Variants in AGBL1 observed in about 807,000 individuals in gnomAD.
AGBL1 encodes AGBL carboxypeptidase 1, also known as cytosolic carboxypeptidase 4.
In AGBL1, 130 loss-of-function variants were observed where a neutral mutation model predicts 118.9. The observed-to-expected ratio is 1.09, with a 90% CI of 0.95 to 1.26. The LOEUF (loss-of-function observed/expected upper bound fraction) is 1.26. Ranked by LOEUF, AGBL1 falls within the 50% of genes most tolerant of loss-of-function variation. AGBL1 has a pLI of 0.00. For synonymous variants in AGBL1, 555 were observed against 478.9 expected (o/e 1.16, Z -2.08); for missense variants, 1,584 against 1,298.1 (o/e 1.22, Z -3.38).
intron 22 of AGBL1, among the ~76,000 whole-genome samples, chr15:86,834,407 T>C (rs994904007): frequency 6.6e-6 from 1 of 152,300 alleles, no homozygotes; most frequent in African/African-American, 2.4e-5. Context: ...GAATTTAACC[T>C]GTTTCATAAA....
chr15:86,393,844 T>C (rs1314206902), intron 17 of AGBL1, among the ~76,000 whole-genome samples: 1 of 152,046 alleles, frequency 6.6e-6, no homozygotes, highest in Non-Finnish European at 1.5e-5. Context: ...TGGAAGTTGA[T>C]TAGGTCATGA....
At chr15:86,387,263 C>G (rs980471279) in intron 17 of AGBL1, among the ~76,000 whole-genome samples, 1 of 152,124 alleles carries the variant, frequency 6.6e-6, no homozygotes, top group Admixed American at 6.5e-5. Context: ...GGAAAGGACA[C>G]AGTGTGTTTT....
At chr15:86,275,940 A>C (rs1316867140) in intron 15 of AGBL1, among the ~76,000 whole-genome samples, 1 of 152,242 alleles carries the variant, frequency 6.6e-6, no homozygotes, top group Non-Finnish European at 1.5e-5. Flanking sequence ...AAATGGGATA[A>C]TAATGGTATC....
At chr15:86,301,121 G>T (rs1028281458) in intron 17 of AGBL1, among the ~76,000 whole-genome samples, 2 of 152,172 alleles carry the variant, frequency 1.3e-5, no homozygotes, top group Admixed American at 6.5e-5. Context: ...GACAACAGTG[G>T]TTGGTCCCAG....
At chr15:86,765,865 T>A (rs796140572) in intron 22 of AGBL1, among the ~76,000 whole-genome samples, 154 of 152,012 alleles carry the variant, frequency 1.0e-3, no homozygotes, top group African/African-American at 3.6e-3. Flanking sequence ...TATGGTGGTT[T>A]CAGTAGACTG....
intron 22 of AGBL1, among the ~76,000 whole-genome samples, chr15:86,840,508 T>C (rs942671290): frequency 2.6e-5 from 4 of 152,152 alleles, no homozygotes; most frequent in African/African-American, 2.4e-5. Context: ...TGCAATGGCA[T>C]GATCTCGACT....
intron 18 of AGBL1, among the ~76,000 whole-genome samples, chr15:86,435,529 C>T (rs1246026788): frequency 6.6e-6 from 1 of 152,144 alleles, no homozygotes; most frequent in African/African-American, 2.4e-5. Context: ...GAATAATCTC[C>T]ATGTGAATCA....
intron 22 of AGBL1, among the ~76,000 whole-genome samples, chr15:86,793,564 G>GT (rs2078527348): frequency 6.6e-6 from 1 of 152,106 alleles, no homozygotes; most frequent in African/African-American, 2.4e-5. Flanking sequence ...TTCACAATTT[G>GT]TTTTTAAAAT....
chr15:86,791,479 C>G (rs748696600), intron 22 of AGBL1, among the ~76,000 whole-genome samples: 11 of 152,090 alleles, frequency 7.2e-5, no homozygotes, highest in Non-Finnish European at 1.5e-4. Flanking sequence ...GGCAGGAAAG[C>G]TGGCCACAAT....
chr15:86,522,055 C>T (rs2142199472), intron 18 of AGBL1, among the ~76,000 whole-genome samples: 1 of 152,262 alleles, frequency 6.6e-6, no homozygotes, highest in Non-Finnish European at 1.5e-5. Context: ...ATCTCAGTTT[C>T]CTCACTGTGA....
At chr15:86,808,663 C>A (rs963839786) in intron 22 of AGBL1, among the ~76,000 whole-genome samples, 8 of 138,842 alleles carry the variant, frequency 5.8e-5, no homozygotes, top group African/African-American at 2.2e-4. Context: ...CCTTTCTTTC[C>A]TCCTTCCTTT....
At chr15:86,730,495 T>A (rs1221297237) in intron 22 of AGBL1, among the ~76,000 whole-genome samples, 1 of 152,222 alleles carries the variant, frequency 6.6e-6, no homozygotes, top group Non-Finnish European at 1.5e-5. Flanking sequence ...ACATTTTATT[T>A]TAGGTCCGTG....
intron 21 of AGBL1, among the ~76,000 whole-genome samples, chr15:86,606,126 C>CAAAAAAAAAAAAAAAAAAAAA (rs10675845): frequency 2.1e-5 from 2 of 96,870 alleles, no homozygotes; most frequent in African/African-American, 4.3e-5. Flanking sequence ...GACTCCATCT[C>CAAAAAAAAAAAAAAAAAAAAA]AAAAAAAAAA....
intron 18 of AGBL1, among the ~76,000 whole-genome samples, chr15:86,479,896 T>C (rs1779235394): frequency 6.6e-6 from 1 of 152,220 alleles, no homozygotes; most frequent in Non-Finnish European, 1.5e-5. Context: ...CATGGAATAC[T>C]ATGCAGCCAT....
At chr15:86,834,576 T>C (rs1318118310) in intron 22 of AGBL1, among the ~76,000 whole-genome samples, 1 of 152,176 alleles carries the variant, frequency 6.6e-6, no homozygotes, top group African/African-American at 2.4e-5. Flanking sequence ...AGGGCATGTG[T>C]GGATCTGAGT....
At chr15:86,683,659 T>C (rs945542596) in intron 22 of AGBL1, among the ~76,000 whole-genome samples, 1 of 152,122 alleles carries the variant, frequency 6.6e-6, no homozygotes, top group African/African-American at 2.4e-5. Flanking sequence ...TATAAATACC[T>C]GAAAATAGAA....
intron 8 of AGBL1, among the ~76,000 whole-genome samples, chr15:86,257,406 T>C (rs897669739): frequency 6.6e-5 from 10 of 152,336 alleles, no homozygotes; most frequent in Admixed American, 6.5e-4. Flanking sequence ...TATTTACAAC[T>C]GCAGGCTAGT....
At chr15:86,453,235 A>G (rs2050609394) in intron 18 of AGBL1, among the ~76,000 whole-genome samples, 1 of 152,212 alleles carries the variant, frequency 6.6e-6, no homozygotes, top group Non-Finnish European at 1.5e-5. Flanking sequence ...GTTGTAAGGG[A>G]ACACAAAGCA....
At chr15:86,203,234 G>T (rs181388440) in intron 5 of AGBL1, among the ~76,000 whole-genome samples, 1 of 152,168 alleles carries the variant, frequency 6.6e-6, no homozygotes, top group Non-Finnish European at 1.5e-5. Context: ...GTACAGATTC[G>T]TTTTTGAAAA....
Sources: gnomAD v4.1 joint callset for allele counts (sites outside exome capture counted in the v4.1 genomes callset) on GRCh38, gnomAD v4.1.1 for gene constraint, MANE v1.5 for transcripts, NCBI Gene and HGNC (gene_info 2026-07-23, HGNC 2026-07-21) for gene names.